The following NCOA7 variants were observed in gnomAD, a reference collection of about 807,000 sequenced individuals.
NCOA7 encodes 140 kDa estrogen receptor-associated protein.
A neutral mutation model predicts 104.3 loss-of-function variants in NCOA7; 45 were observed. That is an observed-to-expected ratio of 0.43 (90% CI 0.34 to 0.55). NCOA7 has a LOEUF of 0.55. NCOA7 is among the 20% of genes least tolerant of loss of function. NCOA7 has a pLI of 0.02. For missense variants in NCOA7, 1,041 were observed against 1,119.7 expected (o/e 0.93, Z 1.00); for synonymous variants, 398 against 402.3 (o/e 0.99, Z 0.13).
intron 1 of NCOA7, among the ~76,000 whole-genome samples, chr6:125,805,087 CTTTTTTTTTT>C (rs59737297): frequency 0.041 from 2,363 of 58,010 alleles, 67 homozygotes; most frequent in African/African-American, 0.13. Context: ...CCCTCTTGTT[CTTTTTTTTTT>C]TTTTTTTTTT....
intron 1 of NCOA7, among the ~76,000 whole-genome samples, chr6:125,807,133 C>T (rs563839335): frequency 9.5e-4 from 145 of 152,182 alleles, no homozygotes; most frequent in Non-Finnish European, 1.5e-3. Context: ...TATCTAATGT[C>T]TAATTCTAGG....
chr6:125,790,878 G>GGCGCGCGCCTCGGA (rs1774771391), upstream of NCOA7: 1 of 152,628 alleles, frequency 6.6e-6, no homozygotes, highest in South Asian at 2.1e-4. Context: ...GGGCCCCGCG[G>GGCGCGCGCCTCGGA]GCGCGCGCCT....
chr6:125,907,164 G>A (rs1786087810), intron 10 of NCOA7, among the ~76,000 whole-genome samples: 1 of 152,186 alleles, frequency 6.6e-6, no homozygotes, highest in Admixed American at 6.5e-5. Flanking sequence ...GAGAATGAGG[G>A]GATATTATGC....
intron 2 of NCOA7, among the ~76,000 whole-genome samples, chr6:125,827,436 A>G (rs1446302476): frequency 6.6e-6 from 1 of 152,184 alleles, no homozygotes. Context: ...AGCAGACATT[A>G]AAGAAGAACA....
intron 1 of NCOA7, chr6:125,810,157 T>C (rs1776844423): frequency 6.6e-6 from 1 of 152,048 alleles, no homozygotes; most frequent in African/African-American, 2.4e-5. Context: ...TTAAGACACA[T>C]GTACCTAGCC....
Position 125,909,222 on chromosome 6 carries a change from A to C in NCOA7, c.2097-6111A>C, listed in dbSNP as rs144831492. Among the ~76,000 whole-genome samples, 1,210 of 152,298 alleles carry C rather than the reference A, an allele frequency of 7.9e-3. 18 individuals carry two copies. Among genetic ancestry groups the C allele is most frequent in the African/African-American group, 0.027 (1,111 of 41,554 alleles). On this transcript the variant is annotated intron_variant, in intron 10 of 15. Transcript: ENST00000392477. ...TGTGATAGAAAGAACGCTGATTGCC[A>C]CCTCAGGAGATCTAGTCCTGGCTGT...
Position 125,928,231 on chromosome 6 carries a change from G to A in NCOA7, c.2677G>A (p.Glu893Lys). The change falls in exon 15 of 16, where the codon GAA (glutamate) becomes AAA (lysine). Residue 893 changes from glutamate (E) to lysine (K), a missense_variant. Glu to Lys is a moderately conservative substitution (Grantham distance 56). Around this residue, in one of 2 missense-constraint regions of NCOA7, gnomAD observed 127 missense variants for 177.0 expected, o/e 0.72. Coordinates refer to ENST00000392477, the MANE Select transcript of NCOA7 (RefSeq NM_181782.5). The stretch of plus-strand genomic sequence containing the variant: ...TATCAATGGAGACATAAGTTCTTTA[G>A]AACTTGGTGGTGGAGGGTAAGGTTT... ...YFINGDISSLELGGGGGRFGL... is the reference protein window; with the variant it reads ...YFINGDISSLKLGGGGGRFGL... The A allele has an allele frequency of 6.2e-7, 1 of 1,612,016 alleles. No individual in the cohort carries two copies. Among genetic ancestry groups the A allele is most frequent in the South Asian group, 1.1e-5 (1 of 90,426 alleles).
At chr6:125,842,491 T>A (rs1042471614) in intron 2 of NCOA7, among the ~76,000 whole-genome samples, 9 of 152,202 alleles carry the variant, frequency 5.9e-5, no homozygotes, top group Non-Finnish European at 1.2e-4. Context: ...CATTGAGTAG[T>A]CAGAGAATAC....
intron 7 of NCOA7, among the ~76,000 whole-genome samples, chr6:125,883,376 A>G (rs1397515586): frequency 6.6e-6 from 1 of 152,236 alleles, no homozygotes; most frequent in African/African-American, 2.4e-5. Context: ...TGTGATTCAC[A>G]TAACATACAG....
chr6:125,878,240 T>A (rs772832557), intron 4 of NCOA7, 23 bp from the exon 5 acceptor site: 2 of 1,561,834 alleles, frequency 1.3e-6, no homozygotes, highest in Non-Finnish European at 1.7e-6. Context: ...ATTTATTGAC[T>A]CTTACCTGTT....
At chr6:125,849,541 C>G (rs1027777116) in intron 2 of NCOA7, among the ~76,000 whole-genome samples, 7 of 152,058 alleles carry the variant, frequency 4.6e-5, no homozygotes, top group African/African-American at 1.7e-4. Context: ...AAGTCTTATT[C>G]TTTTTTTGCA....
At chr6:125,894,151 G>A (rs1179507834) in intron 10 of NCOA7, among the ~76,000 whole-genome samples, 1 of 149,240 alleles carries the variant, frequency 6.7e-6, no homozygotes, top group African/African-American at 2.5e-5. Flanking sequence ...TTTGGACTAC[G>A]TAGTTTGTTG....
At chr6:125,874,608 C>G (rs1783206756) in intron 3 of NCOA7, among the ~76,000 whole-genome samples, 1 of 152,206 alleles carries the variant, frequency 6.6e-6, no homozygotes, top group Non-Finnish European at 1.5e-5. Flanking sequence ...ACTGGTTTTA[C>G]TCTAACTTCA....
intron 1 of NCOA7, among the ~76,000 whole-genome samples, chr6:125,813,995 A>G (rs1179869776): frequency 1.3e-5 from 2 of 152,154 alleles, no homozygotes; most frequent in Non-Finnish European, 2.9e-5. Context: ...CTGAAAGACA[A>G]TATATACTGT....
At chr6:125,860,380 C>T (rs1781938513) in intron 3 of NCOA7, among the ~76,000 whole-genome samples, 1 of 152,156 alleles carries the variant, frequency 6.6e-6, no homozygotes, top group South Asian at 2.1e-4. Flanking sequence ...CAGAGTCTTG[C>T]TCTGTTGCCC....
chr6:125,921,146 A>G (rs1787541676), intron 12 of NCOA7, 78 bp downstream of exon 12: 5 of 1,533,794 alleles, frequency 3.3e-6, no homozygotes, highest in Non-Finnish European at 4.4e-6. Flanking sequence ...ACAGTGGCTC[A>G]TGCCTGTAAT....
chr6:125,912,191 C>T (rs1021868906), intron 10 of NCOA7, among the ~76,000 whole-genome samples: 3 of 152,160 alleles, frequency 2.0e-5, no homozygotes, highest in African/African-American at 7.2e-5. Context: ...GGCACCCACA[C>T]AGGCACCTGA....
intron 1 of NCOA7, among the ~76,000 whole-genome samples, chr6:125,804,237 GA>G (rs1425721195): frequency 6.6e-6 from 1 of 152,180 alleles, no homozygotes; most frequent in Non-Finnish European, 1.5e-5. Flanking sequence ...GTATTAAAAT[GA>G]ATTCCAGAAG....
intron 2 of NCOA7, among the ~76,000 whole-genome samples, chr6:125,840,896 T>G (rs1415919188): frequency 3.7e-5 from 2 of 53,774 alleles, no homozygotes; most frequent in Non-Finnish European, 7.7e-5. Flanking sequence ...TTTTTTTTTT[T>G]TTTTTTTTTT....
Sources: allele counts gnomAD v4.1 joint callset (sites outside exome capture counted in the v4.1 genomes callset), GRCh38; gene constraint gnomAD v4.1.1; regional missense constraint gnomAD v4.1.1; transcripts MANE v1.5; gene names NCBI Gene and HGNC (gene_info 2026-07-23, HGNC 2026-07-21).